SLC4A10: variants seen among roughly 807,000 people sequenced by gnomAD.
SLC4A10 encodes the protein solute carrier family 4 member 10.
A neutral mutation model predicts 137.7 loss-of-function variants in SLC4A10; 42 were observed. The observed-to-expected ratio is 0.30, with a 90% CI of 0.24 to 0.39. The LOEUF is 0.39. SLC4A10 is among the 10% of genes least tolerant of loss of function. SLC4A10 has a pLI of 1.00. For synonymous variants in SLC4A10, 474 were observed against 464.1 expected (o/e 1.02, Z -0.27); for missense variants, 925 against 1,355.0 (o/e 0.68, Z 4.98).
At chr2:161,816,818 T>C (rs1376475657) in intron 3 of SLC4A10, among the ~76,000 whole-genome samples, 1 of 152,160 alleles carries the variant, frequency 6.6e-6, no homozygotes, top group Non-Finnish European at 1.5e-5. Context: ...CTCATCATTT[T>C]TTATGGCTGC....
chr2:161,914,873 G>C (rs1451152542), intron 15 of SLC4A10, among the ~76,000 whole-genome samples: 1 of 152,112 alleles, frequency 6.6e-6, no homozygotes, highest in Non-Finnish European at 1.5e-5. Context: ...AGTAACAGGA[G>C]TCAGAGAAAT....
chr2:161,709,202 A>T (rs1248706038), intron 1 of SLC4A10, among the ~76,000 whole-genome samples: 1 of 151,604 alleles, frequency 6.6e-6, no homozygotes, highest in African/African-American at 2.4e-5. Context: ...GTATAAATCG[A>T]TCAAACTGAT....
At chr2:161,883,502 T>G (rs2061977357) in intron 10 of SLC4A10, among the ~76,000 whole-genome samples, 1 of 152,178 alleles carries the variant, frequency 6.6e-6, no homozygotes, top group Admixed American at 6.6e-5. Flanking sequence ...TTTCCCTCAG[T>G]TTTCAAAAGG....
chr2:161,963,332 A>C (rs369243482), intron 21 of SLC4A10, among the ~76,000 whole-genome samples: 14 of 152,282 alleles, frequency 9.2e-5, no homozygotes, highest in African/African-American at 3.4e-4. Context: ...CTTTATGGCA[A>C]GATTGAAACA....
intron 1 of SLC4A10, among the ~76,000 whole-genome samples, chr2:161,764,810 T>G (rs1300134641): frequency 2.6e-5 from 4 of 152,122 alleles, no homozygotes; most frequent in Non-Finnish European, 5.9e-5. Flanking sequence ...AAACCTTTTT[T>G]TGCTATTGCT....
At chr2:161,753,395 T>C (rs1285818355) in intron 1 of SLC4A10, among the ~76,000 whole-genome samples, 1 of 152,182 alleles carries the variant, frequency 6.6e-6, no homozygotes, top group East Asian at 1.9e-4. Flanking sequence ...TTCTTCAAAA[T>C]AGCCTGACTC....
chr2:161,632,797 G>C (rs903823499), intron 1 of SLC4A10, among the ~76,000 whole-genome samples: 1 of 151,422 alleles, frequency 6.6e-6, no homozygotes, highest in African/African-American at 2.4e-5. Flanking sequence ...GTACATTAAA[G>C]CTTGAGAATT....
At chr2:161,974,587 C>T (rs765796726) in intron 24 of SLC4A10, among the ~76,000 whole-genome samples, 2 of 152,128 alleles carry the variant, frequency 1.3e-5, no homozygotes. Context: ...TGAAAAATCC[C>T]TTTCATATTC....
At chr2:161,949,334 G>A in intron 18 of SLC4A10, 73 bp downstream of exon 18, 3 of 933,942 alleles carry the variant, frequency 3.2e-6, no homozygotes, top group South Asian at 3.3e-5. Flanking sequence ...TATAACTCTA[G>A]TACTTAGGAT....
chr2:161,894,599 A>G (rs2063257356), intron 10 of SLC4A10, 80 bp from the exon 11 acceptor site: 5 of 690,226 alleles, frequency 7.2e-6, no homozygotes, highest in Non-Finnish European at 1.0e-5. Context: ...CATGTGAGAT[A>G]ACTGAGTTGA....
At chr2:161,858,100 C>A (rs1361398913) in intron 5 of SLC4A10, among the ~76,000 whole-genome samples, 1 of 152,064 alleles carries the variant, frequency 6.6e-6, no homozygotes, top group Admixed American at 6.6e-5. Flanking sequence ...CTCTTATTTA[C>A]CATGATTTTT....
chr2:161,777,688 C>G (rs538287812), intron 2 of SLC4A10, among the ~76,000 whole-genome samples: 1 of 151,990 alleles, frequency 6.6e-6, no homozygotes, highest in East Asian at 2.0e-4. Context: ...TCTCCTGAGA[C>G]CCATTTACTG....
intron 1 of SLC4A10, among the ~76,000 whole-genome samples, chr2:161,636,505 CT>C (rs1015915948): frequency 1.4e-4 from 22 of 152,222 alleles, no homozygotes; most frequent in African/African-American, 5.1e-4. Flanking sequence ...AGCAATTCTC[CT>C]GCCTTATCTT....
At position 161,983,425 on chromosome 2, in the gene SLC4A10, G is replaced by C. The variant is rs552951572; in HGVS notation, c.*273G>C. 1.7e-6 allele frequency: 1 copy of C among 584,436 alleles called. No individual in the cohort carries two copies. Among genetic ancestry groups the C allele is most frequent in the East Asian group, 2.9e-5 (1 of 34,364 alleles). 36.2% of individuals were successfully genotyped at this position (584,436 alleles called of 1,614,324 possible). A position where few individuals can be genotyped will look rare whatever the true frequency, so the allele number is the denominator to read the frequency against. On this transcript the variant is annotated 3_prime_UTR_variant, in exon 27 of 27. Transcript: ENST00000446997. Reference sequence around the variant, plus strand: ...CTTCTGAGCAGTGAGACATCCCTGTGAGCAGATACAATAGCCAATGCAAGA... The same window carrying C: ...CTTCTGAGCAGTGAGACATCCCTGTCAGCAGATACAATAGCCAATGCAAGA...
intron 9 of SLC4A10, among the ~76,000 whole-genome samples, chr2:161,881,702 A>G (rs1161110487): frequency 6.6e-6 from 1 of 152,032 alleles, no homozygotes; most frequent in African/African-American, 2.4e-5. Context: ...TAGAGTATCT[A>G]TTGATTTCTT....
At chr2:161,933,183 T>TC (rs1690774166) in intron 15 of SLC4A10, among the ~76,000 whole-genome samples, 1 of 97,620 alleles carries the variant, frequency 1.0e-5, no homozygotes, top group African/African-American at 4.1e-5. Flanking sequence ...CCCTTCCTTC[T>TC]TTTCTTTCTT....
chr2:161,903,357 C>A (rs1488219471), intron 12 of SLC4A10, among the ~76,000 whole-genome samples: 2 of 152,034 alleles, frequency 1.3e-5, no homozygotes, highest in Non-Finnish European at 2.9e-5. Context: ...ATAAGGACTC[C>A]CTCCTAGTTT....
intron 3 of SLC4A10, among the ~76,000 whole-genome samples, chr2:161,806,135 C>G (rs1401602237): frequency 3.3e-5 from 5 of 152,162 alleles, no homozygotes; most frequent in African/African-American, 1.2e-4. Context: ...AGCCTGAGCT[C>G]TACATTTGTC....
intron 15 of SLC4A10, 113 bp from the exon 16 acceptor site, chr2:161,942,679 C>T: frequency 3.9e-6 from 3 of 765,352 alleles, no homozygotes; most frequent in South Asian, 3.3e-5. Context: ...AACTACTTGT[C>T]TGTCAAATAG....
Sources: allele counts gnomAD v4.1 joint callset (sites outside exome capture counted in the v4.1 genomes callset), GRCh38; gene constraint gnomAD v4.1.1; transcripts MANE v1.5; gene names NCBI Gene and HGNC (gene_info 2026-07-23, HGNC 2026-07-21).